The following CLIC6 variants were observed in gnomAD, a reference collection of about 807,000 sequenced individuals.
CLIC6 encodes chloride intracellular channel protein 6.
A neutral mutation model predicts 49.2 loss-of-function variants in CLIC6; 39 were observed. That is an observed-to-expected ratio of 0.79 (90% CI 0.61 to 1.04). The LOEUF (loss-of-function observed/expected upper bound fraction) is 1.04. Ranked by LOEUF, CLIC6 falls within the 50% of genes least tolerant of loss-of-function variation. The pLI, the probability that CLIC6 is intolerant of heterozygous loss-of-function variation, is 0.00. For missense variants in CLIC6, 988 were observed against 993.1 expected, an observed-to-expected ratio of 0.99 and a Z score of 0.07; for synonymous variants, 446 against 433.4, an observed-to-expected ratio of 1.03 and a Z score of -0.36.
intron 1 of CLIC6, chr21:34,705,989 T>A (rs1601284098): frequency 1.5e-6 from 1 of 663,660 alleles, no homozygotes; most frequent in African/African-American, 1.8e-5. Context: ...GTATATTTTT[T>A]AAATTACTAT....
intron 5 of CLIC6, among the ~76,000 whole-genome samples, chr21:34,713,371 A>G (rs1413177789): frequency 6.6e-6 from 1 of 152,236 alleles, no homozygotes; most frequent in Non-Finnish European, 1.5e-5. Context: ...GATGGAAATC[A>G]GGCTGGAAGA....
intron 1 of CLIC6, among the ~76,000 whole-genome samples, chr21:34,700,738 G>A (rs1990173950): frequency 3.6e-5 from 5 of 139,518 alleles, no homozygotes; most frequent in Admixed American, 3.5e-4. Flanking sequence ...TCTTAACACC[G>A]ACCCCAACAG....
At chr21:34,672,709 C>T (rs1989588295) in intron 1 of CLIC6, among the ~76,000 whole-genome samples, 2 of 152,188 alleles carry the variant, frequency 1.3e-5, no homozygotes, top group African/African-American at 4.8e-5. Flanking sequence ...ATCAAGAACA[C>T]GGACTTTAGA....
chr21:34,703,668 G>A (rs768678505), intron 1 of CLIC6, among the ~76,000 whole-genome samples: 1 of 152,148 alleles, frequency 6.6e-6, no homozygotes, highest in Non-Finnish European at 1.5e-5. Flanking sequence ...TTTAGAGAGG[G>A]CGTGTGGTGA....
chr21:34,678,373 T>G (rs1601261077), intron 1 of CLIC6, among the ~76,000 whole-genome samples: 1 of 147,354 alleles, frequency 6.8e-6, no homozygotes, highest in East Asian at 2.0e-4. Flanking sequence ...ACCCAGGAGG[T>G]GGAGCTTGCA....
chr21:34,673,447 G>T (rs957117889), intron 1 of CLIC6, among the ~76,000 whole-genome samples: 1 of 150,782 alleles, frequency 6.6e-6, no homozygotes, highest in South Asian at 2.1e-4. Context: ...GCGCCACCAC[G>T]TCTGGCTAAT....
At chr21:34,677,901 T>TACACCTACAACATAAA (rs776017264) in intron 1 of CLIC6, among the ~76,000 whole-genome samples, 44 of 152,180 alleles carry the variant, frequency 2.9e-4, no homozygotes, top group Non-Finnish European at 4.9e-4. Context: ...AACCTAAGAA[T>TACACCTACAACATAAA]GACTTATGTT....
At chr21:34,713,567 C>A (rs2056069910) in intron 5 of CLIC6, among the ~76,000 whole-genome samples, 1 of 151,392 alleles carries the variant, frequency 6.6e-6, no homozygotes, top group South Asian at 2.1e-4. Context: ...GGAAGACAAG[C>A]CTGAGAAAAA....
Position 34,670,697 on chromosome 21 carries a change from G to C in CLIC6, c.1309G>C (p.Glu437Gln). Residue 437 changes from glutamate to glutamine, a missense_variant, in exon 1 of 6, where the codon GAG (glutamate) becomes CAG (glutamine). Around this residue, in one of 3 missense-constraint regions of CLIC6, gnomAD observed 647 missense variants for 596.9 expected, o/e 1.08. Transcript: ENST00000349499. ...GGCCGCGCGCGTGAACGGCCGCCGGGAGGACGGAGAGGCGTCCGAGCCCCG... is the reference window on the plus strand; with the variant it reads ...GGCCGCGCGCGTGAACGGCCGCCGGCAGGACGGAGAGGCGTCCGAGCCCCG... Reference protein sequence around the residue: ...GEAARVNGRREDGEASEPRAL... With the variant: ...GEAARVNGRRQDGEASEPRAL... 1.3e-6 allele frequency: 2 copies of C among 1,587,990 alleles called. No individual in the cohort carries two copies. Among genetic ancestry groups the C allele is most frequent in the Non-Finnish European group, 1.7e-6 (2 of 1,171,170 alleles).
chr21:34,675,068 A>G (rs1036281513), intron 1 of CLIC6, among the ~76,000 whole-genome samples: 3 of 152,170 alleles, frequency 2.0e-5, no homozygotes, highest in Non-Finnish European at 4.4e-5. Context: ...TGGGCCACCC[A>G]GGATTTAGAC....
rs1186290428 is a variant in CLIC6, at chr21:34,700,434, G to A, written c.1375-6846G>A. Reference sequence around the variant, plus strand: ...CGCACTCCAGCCTGGGCGACAGAGCGAGACTCCGTCTCAAAAAAAAAAAAA... The same window carrying A: ...CGCACTCCAGCCTGGGCGACAGAGCAAGACTCCGTCTCAAAAAAAAAAAAA... On this transcript the variant is annotated intron_variant, in intron 1 of 5. Coordinates refer to ENST00000349499, the MANE Select transcript of CLIC6 (RefSeq NM_053277.3). Among the ~76,000 whole-genome samples, 65 of 114,978 alleles carry A rather than the reference G, an allele frequency of 5.7e-4. 12 individuals are homozygous for A. Among genetic ancestry groups the A allele is most frequent in the African/African-American group, 2.5e-3 (61 of 24,356 alleles). 75.4% of individuals were successfully genotyped at this position (114,978 alleles called of 152,430 possible). A position where few individuals can be genotyped will look rare whatever the true frequency, so the allele number is the denominator to read the frequency against.
chr21:34,701,413 C>T (rs897985524), intron 1 of CLIC6, among the ~76,000 whole-genome samples: 1 of 151,850 alleles, frequency 6.6e-6, no homozygotes, highest in Non-Finnish European at 1.5e-5. Flanking sequence ...CCCTGCACTC[C>T]GTAATTGTCT....
In CLIC6 at chr21:34,670,441, G is replaced by C. The variant is rs948870708; in HGVS notation, c.1053G>C (p.Arg351Ser). ...AAGAAGCGGCCCCCGGGGACGCAAG[G>C]GCAGACGCTGGCGAGGACAGGGTAG... ...GSEEAAPGDA[R>S]ADAGEDRVGD... Residue 351 changes from arginine (R) to serine (S), a missense_variant, in exon 1 of 6, where the codon AGG becomes AGC. Physicochemically the swap from Arg to Ser is moderately radical, Grantham distance 110 (BLOSUM62 -1). Around this residue, in one of 3 missense-constraint regions of CLIC6, gnomAD observed 647 missense variants for 596.9 expected, o/e 1.08. Transcript: ENST00000349499. 1.4e-6 allele frequency: 2 copies of C among 1,468,676 alleles called. No homozygotes were observed. Among genetic ancestry groups the C allele is most frequent in the Non-Finnish European group, 1.8e-6 (2 of 1,110,946 alleles). 91.0% of individuals were successfully genotyped at this position (1,468,676 alleles called of 1,614,324 possible). A position where few individuals can be genotyped will look rare whatever the true frequency, so the allele number is the denominator to read the frequency against.
chr21:34,680,607 C>A (rs1193160477), intron 1 of CLIC6, among the ~76,000 whole-genome samples: 2 of 152,168 alleles, frequency 1.3e-5, no homozygotes, highest in African/African-American at 2.4e-5. Context: ...AATGCTTTGC[C>A]ACTTAGAAAT....
chr21:34,705,421 C>T (rs190448587), intron 1 of CLIC6, among the ~76,000 whole-genome samples: 14 of 152,132 alleles, frequency 9.2e-5, no homozygotes, highest in Admixed American at 4.6e-4. Context: ...CTCAGGTGGA[C>T]GAGGGGATGC....
At chr21:34,683,171 G>A (rs1989814727) in intron 1 of CLIC6, among the ~76,000 whole-genome samples, 2 of 152,078 alleles carry the variant, frequency 1.3e-5, no homozygotes, top group Non-Finnish European at 2.9e-5. Context: ...CTTTTAGAAT[G>A]AAACTCCATG....
intron 4 of CLIC6, 55 bp from the exon 5 acceptor site, chr21:34,709,302 A>AAAGTGACATGC (rs2056038917): frequency 6.6e-7 from 1 of 1,510,134 alleles, no homozygotes; most frequent in African/African-American, 1.4e-5. Flanking sequence ...CAGCTGGTGA[A>AAAGTGACATGC]AAGTGACATG....
intron 1 of CLIC6, among the ~76,000 whole-genome samples, chr21:34,672,375 G>A (rs1989582978): frequency 6.6e-6 from 1 of 152,120 alleles, no homozygotes; most frequent in African/African-American, 2.4e-5. Context: ...ATGCCACCTG[G>A]ATTAAACTAC....
intron 1 of CLIC6, among the ~76,000 whole-genome samples, chr21:34,693,014 A>G (rs980041057): frequency 6.6e-6 from 1 of 152,244 alleles, no homozygotes; most frequent in Non-Finnish European, 1.5e-5. Flanking sequence ...AGAGTCGAGA[A>G]ATAATTTACC....
Sources: allele counts gnomAD v4.1 joint callset (sites outside exome capture counted in the v4.1 genomes callset), GRCh38; gene constraint gnomAD v4.1.1; regional missense constraint gnomAD v4.1.1; transcripts MANE v1.5; gene names NCBI Gene and HGNC (gene_info 2026-07-23, HGNC 2026-07-21).